USP2: variants seen among roughly 807,000 people sequenced by gnomAD.
USP2 encodes the protein ubiquitin specific peptidase 2.
In USP2, 33 loss-of-function variants were observed where a neutral mutation model predicts 72.0. The observed-to-expected ratio is 0.46, with a 90% CI of 0.35 to 0.61. USP2 has a LOEUF of 0.61. USP2 is among the 20% of genes least tolerant of loss of function. USP2 has a pLI of 0.01. For synonymous variants in USP2, 296 were observed against 312.5 expected (o/e 0.95, Z 0.56); for missense variants, 691 against 797.8 (o/e 0.87, Z 1.61).
chr11:119,357,087 TGCGGGGGGTGGGAGGGGGGTGGG>T (rs1950671241), intron 12 of USP2, 77 bp downstream of exon 12: 1 of 747,184 alleles, frequency 1.3e-6, no homozygotes, highest in Non-Finnish European at 1.6e-6. Flanking sequence ...GTGTAAGCCG[TGCGGGGGGTGGGAGGGGGGTGGG>T]TTTGGGGGGA....
rs976484641 is a variant in USP2 at position 119,381,581 on chromosome 11, G to T, written c.-150C>A. 2.0e-6 allele frequency: 3 copies of T among 1,530,620 alleles called. No homozygotes were observed. The highest frequency in any genetic ancestry group is 1.8e-6 in the Non-Finnish European group (2 of 1,142,130). 94.8% of individuals were successfully genotyped at this position (1,530,620 alleles called of 1,614,324 possible). A position where few individuals can be genotyped will look rare whatever the true frequency, so the allele number is the denominator to read the frequency against. ...CAGTGAGCACCAGCTGACGAAGAGG[G>T]CTCCCCGGCCTCGGCTCCTGCCTGA... On this transcript the variant is annotated 5_prime_UTR_variant, in exon 1 of 13. Transcript: ENST00000260187.
At chr11:119,363,516 C>T (rs1281966413) in intron 2 of USP2, among the ~76,000 whole-genome samples, 1 of 152,062 alleles carries the variant, frequency 6.6e-6, no homozygotes. Flanking sequence ...TGCCCTCGCA[C>T]ACCGATCGAG....
chr11:119,377,916 A>G (rs1176297933), intron 1 of USP2, among the ~76,000 whole-genome samples: 17 of 152,060 alleles, frequency 1.1e-4, no homozygotes, highest in Non-Finnish European at 8.8e-5. Context: ...CTCTCTGCCC[A>G]GATCTGCTTG....
intron 1 of USP2, chr11:119,379,380 G>T: frequency 2.4e-5 from 9 of 378,126 alleles, no homozygotes; most frequent in Non-Finnish European, 3.3e-5. Context: ...GGTGGGGGTG[G>T]AACTTGAGAC....
At chr11:119,380,319 G>A (rs947834441) in intron 1 of USP2, among the ~76,000 whole-genome samples, 3 of 151,810 alleles carry the variant, frequency 2.0e-5, no homozygotes, top group Admixed American at 6.6e-5. Context: ...CTTCCTAGAC[G>A]TCCAGTCCAC....
intron 2 of USP2, among the ~76,000 whole-genome samples, chr11:119,361,362 A>G (rs1950762368): frequency 6.6e-6 from 1 of 152,196 alleles, no homozygotes; most frequent in Non-Finnish European, 1.5e-5. Flanking sequence ...TCCTGGGCAT[A>G]TCTCCAAGGA....
At chr11:119,357,070 A>G in intron 12 of USP2, 117 bp downstream of exon 12, 1 of 1,028,172 alleles carries the variant, frequency 9.7e-7, no homozygotes, top group Admixed American at 3.6e-5. Flanking sequence ...TTTGCCATCC[A>G]TTCTCGGTGT....
At chr11:119,361,339 G>A (rs573902944) in intron 2 of USP2, among the ~76,000 whole-genome samples, 58 of 152,290 alleles carry the variant, frequency 3.8e-4, no homozygotes, top group African/African-American at 1.4e-3. Flanking sequence ...ATTTGTCAAG[G>A]TCTCTTGGCT....
In USP2 at chr11:119,373,277, G is replaced by C. The variant is rs772284299; in HGVS notation, c.204C>G (p.Pro68=). ...SFLTRPRTYG[P]SSLLDYDRGR... is the part of the protein sequence containing the mutation. ...CCCGGTCATAGTCCAGGAGGGAGGAGGGGCCATAGGTACGGGGACGGGTGA... is the reference window on the plus strand; with the variant it reads ...CCCGGTCATAGTCCAGGAGGGAGGACGGGCCATAGGTACGGGGACGGGTGA... Residue 68 remains proline (P), a synonymous_variant, in exon 2 of 13, where the codon CCC becomes CCG. Coordinates refer to ENST00000260187, the MANE Select transcript of USP2 (RefSeq NM_004205.5). 1 of 1,613,964 alleles carries C rather than the reference G, an allele frequency of 6.2e-7. No individual in the cohort carries two copies. The highest frequency in any genetic ancestry group is 1.7e-5 in the Admixed American group (1 of 60,022).
intron 2 of USP2, among the ~76,000 whole-genome samples, chr11:119,371,809 C>T (rs1185848143): frequency 1.3e-5 from 2 of 149,528 alleles, no homozygotes; most frequent in Non-Finnish European, 3.0e-5. Context: ...GTGTATCCAC[C>T]CACCCACCAC....
intron 2 of USP2, among the ~76,000 whole-genome samples, chr11:119,363,660 G>T (rs536379376): frequency 2.6e-4 from 39 of 151,724 alleles, no homozygotes; most frequent in African/African-American, 8.7e-4. Context: ...TCCACCCGGG[G>T]AGGGGACCAC....
chr11:119,372,681 T>C, intron 2 of USP2, 26 bp downstream of exon 2: 2 of 1,506,102 alleles, frequency 1.3e-6, no homozygotes, highest in Non-Finnish European at 8.8e-7. Flanking sequence ...CCCCAGCCTA[T>C]CCCCGGTCCC....
chr11:119,372,265 C>A (rs1950936875), intron 2 of USP2, among the ~76,000 whole-genome samples: 1 of 152,202 alleles, frequency 6.6e-6, no homozygotes, highest in Non-Finnish European at 1.5e-5. Flanking sequence ...GGCCTTGGGG[C>A]TAGGGAATAA....
At chr11:119,367,639 A>T (rs1950872581) in intron 2 of USP2, among the ~76,000 whole-genome samples, 1 of 152,208 alleles carries the variant, frequency 6.6e-6, no homozygotes, top group African/African-American at 2.4e-5. Context: ...GCTTCCCTGC[A>T]TGACGTGGAC....
At position 119,356,747 on chromosome 11, in the gene USP2, T is replaced by G; in HGVS notation, c.*88A>C. On this transcript the variant is annotated 3_prime_UTR_variant, in exon 13 of 13. Coordinates refer to ENST00000260187, the MANE Select transcript of USP2 (RefSeq NM_004205.5). Reference sequence around the variant, plus strand: ...GTTTTTCTCTTGTCAGGTTTGTGTGTTGTTGTTGTTGTTTTGTTTTTGTCT... The same window carrying G: ...GTTTTTCTCTTGTCAGGTTTGTGTGGTGTTGTTGTTGTTTTGTTTTTGTCT... 2.1e-5 allele frequency: 25 copies of G among 1,182,736 alleles called. No homozygotes were observed. Among genetic ancestry groups the G allele is most frequent in the South Asian group, 1.1e-4 (7 of 62,620 alleles). The allele number at this position is 1,182,736 out of a possible 1,614,324, so 73.3% of individuals were successfully genotyped here.
chr11:119,376,105 C>T, intron 1 of USP2: 5 of 880,924 alleles, frequency 5.7e-6, no homozygotes, highest in Non-Finnish European at 5.4e-6. Flanking sequence ...GAGAGGGTTC[C>T]TACTGGGGCC....
In USP2 at chr11:119,356,196, G is replaced by T. The variant is rs542741814; in HGVS notation, c.*639C>A. ...AGTTGTACTTGGAAAAGCAATAAAA[G>T]GACCAGTGCAACGTCCCAGCTATGA... is the stretch of plus-strand genomic sequence containing the variant. On this transcript the variant is annotated 3_prime_UTR_variant, in exon 13 of 13. Coordinates refer to ENST00000260187, the MANE Select transcript of USP2 (RefSeq NM_004205.5). The T allele has an allele frequency of 6.6e-6, 1 of 152,348 alleles. No homozygotes were observed. Among genetic ancestry groups the T allele is most frequent in the Non-Finnish European group, 1.5e-5 (1 of 68,032 alleles). The allele number at this position is 152,348 out of a possible 1,614,324, so 9.4% of individuals were successfully genotyped here. A position where few individuals can be genotyped will look rare whatever the true frequency, so the allele number is the denominator to read the frequency against.
chr11:119,366,617 G>C (rs1390163904), intron 2 of USP2, among the ~76,000 whole-genome samples: 1 of 151,480 alleles, frequency 6.6e-6, no homozygotes, highest in Non-Finnish European at 1.5e-5. Flanking sequence ...CTCTTGGTGG[G>C]TTCTTAATAA....
chr11:119,364,193 C>G (rs967915758), intron 2 of USP2: 2 of 1,165,604 alleles, frequency 1.7e-6, no homozygotes, highest in Non-Finnish European at 1.1e-6. Context: ...TCCCGGCTCT[C>G]GCGCTCCGGC....
Sources: gnomAD v4.1 joint callset for allele counts (sites outside exome capture counted in the v4.1 genomes callset) on GRCh38, gnomAD v4.1.1 for gene constraint, MANE v1.5 for transcripts, NCBI Gene and HGNC (gene_info 2026-07-23, HGNC 2026-07-21) for gene names.